Variants in ALG13 observed in about 807,000 individuals in gnomAD.
ALG13 encodes the protein ALG13 UDP-N-acetylglucosaminyltransferase subunit.
Under a neutral mutation model 87.8 loss-of-function variants are expected in ALG13, and 11 were observed. That is an observed-to-expected ratio of 0.13 (90% CI 0.08 to 0.21). The LOEUF (loss-of-function observed/expected upper bound fraction) is 0.21. Ranked by LOEUF, ALG13 falls within the 10% of genes least tolerant of loss-of-function variation. The pLI is 1.00. For missense variants in ALG13, 756 were observed against 866.1 expected (o/e 0.87, Z 1.60); for synonymous variants, 320 against 306.3 (o/e 1.04, Z -0.47).
intron 24 of ALG13, among the ~76,000 whole-genome samples, chrX:111,747,909 T>A (rs1355552378): frequency 8.9e-6 from 1 of 112,629 alleles, no homozygotes; most frequent in Non-Finnish European, 1.9e-5. Context: ...CATTTTGCAT[T>A]CCCACCAGCA....
intron 11 of ALG13, 134 bp downstream of exon 11, chrX:111,720,304 T>C (rs1237809490): frequency 5.5e-6 from 2 of 365,100 alleles, no homozygotes; most frequent in Non-Finnish European, 9.5e-6. Flanking sequence ...TTTGTGAAAG[T>C]CTTACCTATC....
chrX:111,743,136 T>C (rs1413634603), intron 23 of ALG13, among the ~76,000 whole-genome samples: 1 of 112,176 alleles, frequency 8.9e-6, no homozygotes, highest in Non-Finnish European at 1.9e-5. Flanking sequence ...TTCTATGTCT[T>C]GGTTTTTACC....
rs1308843986 is a variant in ALG13, at chrX:111,728,128, C to CT, written c.2248-49dup. 2.6e-5 allele frequency: 31 copies of CT among 1,198,864 alleles called. No individual in the cohort carries two copies. In the South Asian group the frequency reaches 3.4e-4, roughly 13 times the overall value. ...ACTGCCTTTTAAAACATCCCTCTAG[C>CT]TTTTTTTTCTGACTATATAGTGAGA... On this transcript the variant is annotated intron_variant, in intron 18 of 26. Coordinates refer to ENST00000394780, the MANE Select transcript of ALG13 (RefSeq NM_001099922.3).
intron 8 of ALG13, 108 bp from the exon 9 acceptor site, chrX:111,717,738 A>G: frequency 2.1e-6 from 1 of 483,022 alleles, no homozygotes; most frequent in Admixed American, 4.8e-5. Flanking sequence ...AAATTCAGTT[A>G]GTTATCAGTT....
intron 23 of ALG13, among the ~76,000 whole-genome samples, chrX:111,741,477 G>A (rs1943729613): frequency 8.9e-6 from 1 of 111,893 alleles, no homozygotes; most frequent in Non-Finnish European, 1.9e-5. Flanking sequence ...AACTCATTAA[G>A]CAGTATATTT....
chrX:111,708,407 A>G lies in ALG13; in HGVS notation c.750+14A>G, dbSNP rs779544780. On this transcript the variant is annotated intron_variant, in intron 4 of 26. Transcript: ENST00000394780. The stretch of plus-strand genomic sequence containing the variant: ...ATTTCGGAGCAGGTAAAAGGAAAAC[A>G]TATCTTCCCTGTACTGAGTTTTCAG... The G allele has an allele frequency of 1.1e-5, 13 of 1,199,300 alleles. No homozygotes were observed. In the South Asian group the frequency reaches 1.7e-4, roughly 15 times the overall value.
rs750710267 is a variant in ALG13, at chrX:111,744,725, TACCACCACCACCACCACCACCACC to T, written c.2775_2798del (p.Pro938_Pro945del). The T allele has an allele frequency of 3.5e-5, 38 of 1,099,423 alleles. No individual in the cohort carries two copies. Among genetic ancestry groups the T allele is most frequent in the East Asian group, 6.8e-5 (2 of 29,450 alleles). The allele number at this position is 1,099,423 out of a possible 1,213,427, so 90.6% of individuals were successfully genotyped here. ...GCTATTCCTCATGCTGGTGCCTCTC[TACCACCACCACCACCACCACCACC>T]ACCACCACCACCACCACCACCTCCT... On this transcript the variant is annotated inframe_deletion, in exon 24 of 27. Coordinates refer to ENST00000394780, the MANE Select transcript of ALG13 (RefSeq NM_001099922.3).
intron 11 of ALG13, among the ~76,000 whole-genome samples, chrX:111,721,036 T>C (rs750163149): frequency 9.4e-6 from 1 of 106,345 alleles, no homozygotes; most frequent in Non-Finnish European, 2.0e-5. Flanking sequence ...TTATTTCTTG[T>C]TTTAATAAAG....
At chrX:111,710,630 A>T (rs1052153369) in intron 5 of ALG13, among the ~76,000 whole-genome samples, 1 of 112,198 alleles carries the variant, frequency 8.9e-6, no homozygotes, top group African/African-American at 3.2e-5. Flanking sequence ...CTCAATTGTG[A>T]TGATGATTTC....
chrX:111,698,652 C>T (rs1303357715), intron 3 of ALG13, among the ~76,000 whole-genome samples: 3 of 111,878 alleles, frequency 2.7e-5, no homozygotes, highest in Non-Finnish European at 3.8e-5. Context: ...TAGCATATAA[C>T]GTCCTCTAGG....
At chrX:111,750,644 T>C (rs1419094467) in intron 24 of ALG13, among the ~76,000 whole-genome samples, 1 of 110,371 alleles carries the variant, frequency 9.1e-6, no homozygotes, top group Admixed American at 9.8e-5. Flanking sequence ...TGTTTGTTTG[T>C]TTGTTTATTT....
At chrX:111,751,541 T>C (rs1944747555) in intron 24 of ALG13, among the ~76,000 whole-genome samples, 1 of 112,080 alleles carries the variant, frequency 8.9e-6, no homozygotes, top group Non-Finnish European at 1.9e-5. Context: ...TTGCTTTTAC[T>C]TTCTGGCTAT....
chrX:111,698,823 G>A (rs770047228), intron 3 of ALG13, among the ~76,000 whole-genome samples: 27 of 111,233 alleles, frequency 2.4e-4, no homozygotes, highest in East Asian at 5.7e-4. Flanking sequence ...TAATGAACAC[G>A]GGAGTGCAGG....
intron 3 of ALG13, among the ~76,000 whole-genome samples, chrX:111,698,452 A>G (rs1937268865): frequency 9.0e-6 from 1 of 111,364 alleles, no homozygotes. Flanking sequence ...AAAAGATCCC[A>G]GAACTTATGT....
intron 6 of ALG13, among the ~76,000 whole-genome samples, 188 bp from the exon 7 acceptor site, chrX:111,712,296 T>A (rs1242357845): frequency 9.0e-6 from 1 of 111,717 alleles, no homozygotes; most frequent in Non-Finnish European, 1.9e-5. Context: ...CTTTAGATCC[T>A]TCTTTCAGGA....
chrX:111,699,839 A>C (rs1373020369), intron 3 of ALG13, among the ~76,000 whole-genome samples: 1 of 109,964 alleles, frequency 9.1e-6, no homozygotes, highest in African/African-American at 3.3e-5. Flanking sequence ...TGTTCTTTTT[A>C]CTGAAGATTA....
intron 15 of ALG13, among the ~76,000 whole-genome samples, chrX:111,725,772 G>C (rs1338135155): frequency 8.9e-6 from 1 of 111,844 alleles, no homozygotes; most frequent in Admixed American, 9.5e-5. Flanking sequence ...AACTTAAGCT[G>C]ACATGGATCT....
At chrX:111,710,099 G>T (rs762509542) in intron 5 of ALG13, among the ~76,000 whole-genome samples, 2 of 107,848 alleles carry the variant, frequency 1.9e-5, no homozygotes, top group South Asian at 4.1e-4. Flanking sequence ...GCAGGATCAC[G>T]GCTCGCTGCA....
At chrX:111,704,809 A>T (rs745834157) in intron 3 of ALG13, among the ~76,000 whole-genome samples, 5 of 112,101 alleles carry the variant, frequency 4.5e-5, no homozygotes, top group African/African-American at 6.5e-5. Flanking sequence ...TGTATACTTT[A>T]AGTGGGTGAA....
Sources: allele counts gnomAD v4.1 joint callset (sites outside exome capture counted in the v4.1 genomes callset), GRCh38; gene constraint gnomAD v4.1.1; transcripts MANE v1.5; gene names NCBI Gene and HGNC (gene_info 2026-07-23, HGNC 2026-07-21).